Variants in CTNNA2 observed in about 807,000 individuals in gnomAD.
The protein encoded by CTNNA2 is catenin alpha-2.
In CTNNA2, 42 loss-of-function variants were observed where a neutral mutation model predicts 101.0. The observed-to-expected ratio is 0.42, with a 90% confidence interval of 0.32 to 0.54. CTNNA2 has a LOEUF of 0.54. CTNNA2 is among the 20% of genes least tolerant of loss of function. The probability of loss-of-function intolerance (pLI) is 0.14; values close to 1 mark genes in which losing one functional copy is unlikely to be tolerated. For missense variants in CTNNA2, 871 were observed against 1,223.1 expected (o/e 0.71, Z 4.29); for synonymous variants, 450 against 456.4 (o/e 0.99, Z 0.18).
intron 9 of CTNNA2, among the ~76,000 whole-genome samples, chr2:80,528,676 C>CA (rs1023190652): frequency 4.0e-5 from 6 of 151,592 alleles, no homozygotes; most frequent in Admixed American, 2.0e-4. Context: ...CAACCCCCAC[C>CA]AAAAAAATAA....
At chr2:79,266,733 A>G (rs1038265943) in intron 2 of CTNNA2, among the ~76,000 whole-genome samples, 1 of 152,070 alleles carries the variant, frequency 6.6e-6, no homozygotes, top group South Asian at 2.1e-4. Context: ...TAGGGGATAC[A>G]TTGACTTACC....
intron 2 of CTNNA2, among the ~76,000 whole-genome samples, chr2:79,238,476 C>T (rs948690828): frequency 2.0e-4 from 30 of 152,150 alleles, no homozygotes; most frequent in African/African-American, 5.8e-4. Context: ...AAGAAATGAG[C>T]GCATGCTCTT....
rs1363906569 is a variant in CTNNA2 at position 79,956,849 on chromosome 2, T to TTTTTC, written c.1056+47056_1056+47057insCTTTT. 1.4e-4 allele frequency among the ~76,000 whole-genome samples: 9 copies of TTTTTC among 65,184 alleles called. 1 individual carries two copies. The highest frequency in any genetic ancestry group is 3.1e-4 in the African/African-American group (6 of 19,652). 42.8% of individuals were successfully genotyped at this position (65,184 alleles called of 152,430 possible). A position where few individuals can be genotyped will look rare whatever the true frequency, so the allele number is the denominator to read the frequency against. Reference sequence around the variant, plus strand: ...TTACTATGAATACGTGTGGGTTTTTTTTTTTTTTTTTTTTTTTTTCAGTGT... The same window carrying TTTTTC: ...TTACTATGAATACGTGTGGGTTTTTTTTTTCTTTTTTTTTTTTTTTTTTTCAGTGT... On this transcript the variant is annotated intron_variant, in intron 7 of 18. Transcript: ENST00000402739.
At chr2:79,929,224 T>C (rs1013944703) in intron 7 of CTNNA2, among the ~76,000 whole-genome samples, 8 of 152,040 alleles carry the variant, frequency 5.3e-5, no homozygotes, top group African/African-American at 1.9e-4. Context: ...CAGGGGGAAA[T>C]TTATAGTAGT....
chr2:79,296,081 C>G (rs972333558), intron 2 of CTNNA2, among the ~76,000 whole-genome samples: 8 of 152,000 alleles, frequency 5.3e-5, no homozygotes, highest in African/African-American at 1.9e-4. Flanking sequence ...TCCATAAACA[C>G]TTATTAATAG....
chr2:79,278,294 T>C (rs757819485), intron 2 of CTNNA2, among the ~76,000 whole-genome samples: 1 of 152,096 alleles, frequency 6.6e-6, no homozygotes, highest in Non-Finnish European at 1.5e-5. Flanking sequence ...AGGTCCAAAC[T>C]GCACAAGATA....
At chr2:79,306,966 T>G (rs750238976) in intron 2 of CTNNA2, among the ~76,000 whole-genome samples, 4 of 152,240 alleles carry the variant, frequency 2.6e-5, no homozygotes, top group Non-Finnish European at 5.9e-5. Context: ...GAGATTACTA[T>G]GTTTCTTTTG....
At chr2:80,268,492 C>G (rs547027126) in intron 7 of CTNNA2, among the ~76,000 whole-genome samples, 31 of 152,130 alleles carry the variant, frequency 2.0e-4, no homozygotes, top group Non-Finnish European at 3.7e-4. Context: ...GAGTAACCCT[C>G]TAATTAGAGC....
At chr2:80,353,519 T>C (rs941731816) in intron 7 of CTNNA2, among the ~76,000 whole-genome samples, 1 of 152,116 alleles carries the variant, frequency 6.6e-6, no homozygotes, top group Non-Finnish European at 1.5e-5. Flanking sequence ...TTAAAAAATG[T>C]ATATAACACA....
chr2:80,457,999 G>A (rs1684123143), intron 9 of CTNNA2, among the ~76,000 whole-genome samples: 1 of 152,118 alleles, frequency 6.6e-6, no homozygotes, highest in Admixed American at 6.6e-5. Flanking sequence ...CACCCTTGCT[G>A]CTTCCTTCTA....
intron 7 of CTNNA2, among the ~76,000 whole-genome samples, chr2:80,220,657 AGT>A (rs933519232): frequency 1.3e-5 from 2 of 152,226 alleles, no homozygotes; most frequent in Non-Finnish European, 2.9e-5. Context: ...CACACTTTGC[AGT>A]GATTTCTTCC....
chr2:80,420,036 A>G (rs1458085929), intron 9 of CTNNA2, among the ~76,000 whole-genome samples: 2 of 71,570 alleles, frequency 2.8e-5, no homozygotes, highest in South Asian at 4.9e-4. Flanking sequence ...GAACTTGTGA[A>G]AAAAAAAAAA....
intron 4 of CTNNA2, among the ~76,000 whole-genome samples, chr2:79,421,805 A>G (rs955871729): frequency 6.6e-6 from 1 of 152,144 alleles, no homozygotes; most frequent in Non-Finnish European, 1.5e-5. Context: ...TTAGGAGAAC[A>G]CTAAATCGAG....
chr2:79,395,700 A>T (rs1479316723), intron 4 of CTNNA2, among the ~76,000 whole-genome samples: 1 of 152,302 alleles, frequency 6.6e-6, no homozygotes, highest in East Asian at 1.9e-4. Flanking sequence ...AGAAAGTTTC[A>T]TCAGCTCTGG....
At chr2:80,503,011 A>T (rs72916915) in intron 9 of CTNNA2, among the ~76,000 whole-genome samples, 5,555 of 152,048 alleles carry the variant, frequency 0.037, 360 homozygotes, top group African/African-American at 0.12. Flanking sequence ...TTCTACAAAA[A>T]TTTTTTTACA....
intron 1 of CTNNA2, among the ~76,000 whole-genome samples, chr2:79,650,270 T>C (rs960773687): frequency 6.6e-6 from 1 of 151,892 alleles, no homozygotes; most frequent in Non-Finnish European, 1.5e-5. Flanking sequence ...AGAGGATTGC[T>C]TTAGAGTGAA....
chr2:79,403,061 A>G (rs1041578197), intron 4 of CTNNA2, among the ~76,000 whole-genome samples: 2 of 151,818 alleles, frequency 1.3e-5, no homozygotes, highest in Non-Finnish European at 2.9e-5. Flanking sequence ...ACAAAAAAAG[A>G]AAAACAGGAA....
chr2:80,366,734 C>G (rs1191952207), intron 7 of CTNNA2, among the ~76,000 whole-genome samples: 1 of 152,140 alleles, frequency 6.6e-6, no homozygotes, highest in Non-Finnish European at 1.5e-5. Context: ...GCTGTGAACC[C>G]CGAATATCTG....
intron 3 of CTNNA2, among the ~76,000 whole-genome samples, chr2:79,318,981 G>C (rs1676557746): frequency 6.6e-6 from 1 of 152,118 alleles, no homozygotes; most frequent in African/African-American, 2.4e-5. Context: ...TAGTCACTTA[G>C]AAATTAGGAA....
Sources: gnomAD v4.1 joint callset for allele counts (sites outside exome capture counted in the v4.1 genomes callset) on GRCh38, gnomAD v4.1.1 for gene constraint, MANE v1.5 for transcripts, NCBI Gene and HGNC (gene_info 2026-07-23, HGNC 2026-07-21) for gene names.